CEP290: variants seen among roughly 807,000 people sequenced by gnomAD.
CEP290 encodes centrosomal protein of 290 kDa.
A neutral mutation model predicts 344.9 loss-of-function variants in CEP290; 317 were observed. That is an observed-to-expected ratio of 0.92 (90% CI 0.84 to 1.01). The LOEUF is 1.01. Ranked by LOEUF, CEP290 falls within the 50% of genes least tolerant of loss-of-function variation. CEP290 has a pLI of 0.00. For synonymous variants in CEP290, 932 were observed against 895.8 expected, an observed-to-expected ratio of 1.04 and a Z score of -0.72; for missense variants, 2,754 against 2,761.4, an observed-to-expected ratio of 1.00 and a Z score of 0.06.
chr12:88,075,674 T>C (rs1442347769), intron 41 of CEP290, among the ~76,000 whole-genome samples: 2 of 152,130 alleles, frequency 1.3e-5, no homozygotes, highest in Non-Finnish European at 2.9e-5. Flanking sequence ...AAATTCTGTT[T>C]ACAGAGAAAA....
Position 88,059,938 on chromosome 12 carries a change from A to AT in CEP290, c.6604dup (p.Ile2202AsnfsTer4). The AT allele has an allele frequency of 6.3e-7, 1 of 1,594,416 alleles. No individual in the cohort carries two copies. Among genetic ancestry groups the AT allele is most frequent in the Non-Finnish European group, 8.5e-7 (1 of 1,170,344 alleles). The stretch of plus-strand genomic sequence containing the variant: ...ACGAAGCCTTTCATTTTCAGCAATA[A>AT]TTTTTTCTGTGCCTTTGGTCTTGGA... On this transcript the variant is annotated frameshift_variant, in exon 48 of 54. Coordinates refer to ENST00000552810, the MANE Select transcript of CEP290 (RefSeq NM_025114.4). LOFTEE classifies it high-confidence loss of function.
intron 41 of CEP290, among the ~76,000 whole-genome samples, chr12:88,074,531 C>T (rs534473798): frequency 1.5e-4 from 23 of 152,232 alleles, no homozygotes; most frequent in African/African-American, 5.5e-4. Flanking sequence ...GGCTTTTTTC[C>T]ATGGTTCCTG....
In CEP290 at chr12:88,062,696, C is replaced by G. The variant is rs1208196086; in HGVS notation, c.6353G>C (p.Arg2118Thr). The G allele has an allele frequency of 1.9e-6, 3 of 1,601,290 alleles. No individual in the cohort carries two copies. The Admixed American group carries it at 5.1e-5, about 27-fold the overall frequency. Residue 2118 changes from arginine to threonine, a missense_variant, in exon 46 of 54, where the codon AGA becomes ACA. Physicochemically the swap from Arg to Thr is moderately conservative, Grantham distance 71. Transcript: ENST00000552810. ...AEVQRKLGHV[R>T]GSGRSGKTIP... ...GTATGGTAAATTCTCACATACCCCTCTAACATGGCCAAGTTTCCGCTGAAC... is the reference window on the plus strand; with the variant it reads ...GTATGGTAAATTCTCACATACCCCTGTAACATGGCCAAGTTTCCGCTGAAC...
intron 26 of CEP290, among the ~76,000 whole-genome samples, chr12:88,097,638 CAT>C (rs1555213462): frequency 8.6e-4 from 125 of 145,866 alleles, no homozygotes; most frequent in Non-Finnish European, 1.3e-3. Flanking sequence ...CACACACACA[CAT>C]ATATACAATG....
chr12:88,090,362 T>C (rs923828069), intron 30 of CEP290, among the ~76,000 whole-genome samples: 1 of 152,216 alleles, frequency 6.6e-6, no homozygotes, highest in African/African-American at 2.4e-5. Context: ...CCCAGCATGG[T>C]GGCTCATACC....
intron 53 of CEP290, chr12:88,050,098 T>C: frequency 3.5e-6 from 1 of 289,224 alleles, no homozygotes; most frequent in African/African-American, 2.2e-5. Flanking sequence ...GACCCAAAAC[T>C]TAAGAACATA....
chr12:88,118,638 C>T lies in CEP290; in HGVS notation c.1623+5G>A, dbSNP rs1555222073. 1.2e-6 allele frequency: 2 copies of T among 1,612,532 alleles called. No homozygotes were observed. Among genetic ancestry groups the T allele is most frequent in the Non-Finnish European group, 1.7e-6 (2 of 1,178,860 alleles). ...AGAAAATAATCAACTGACTACCACA[C>T]TTGCCTCTTTCAAAAGAATCTGGTT... On this transcript the variant is annotated splice_donor_5th_base_variant and intron_variant, in intron 16 of 53. Transcript: ENST00000552810.
At chr12:88,102,282 C>T (rs1340267126) in intron 26 of CEP290, among the ~76,000 whole-genome samples, 1 of 152,004 alleles carries the variant, frequency 6.6e-6, no homozygotes, top group Admixed American at 6.6e-5. Flanking sequence ...TAAATTTATT[C>T]TACATTAAAA....
At chr12:88,058,649 G>T in intron 49 of CEP290, 199 bp downstream of exon 49, 1 of 618,168 alleles carries the variant, frequency 1.6e-6, no homozygotes, top group Non-Finnish European at 2.8e-6. Context: ...ACCCAAACAA[G>T]GTTAAACAAG....
At chr12:88,109,872 T>C (rs977238060) in intron 22 of CEP290, among the ~76,000 whole-genome samples, 14 of 152,242 alleles carry the variant, frequency 9.2e-5, no homozygotes, top group South Asian at 2.1e-4. Flanking sequence ...AATACGACAA[T>C]GCCATACTAC....
chr12:88,106,256 A>T (rs1292114876), intron 25 of CEP290, among the ~76,000 whole-genome samples: 1 of 152,216 alleles, frequency 6.6e-6, no homozygotes, highest in Non-Finnish European at 1.5e-5. Context: ...ACACACACAC[A>T]AAAGTTAGAT....
intron 19 of CEP290, 41 bp downstream of exon 19, chr12:88,115,057 G>GA (rs760428546): frequency 1.4e-4 from 148 of 1,078,122 alleles, no homozygotes; most frequent in Middle Eastern, 2.0e-4. Context: ...TTAAGTATAG[G>GA]AAAAATAAGA....
chr12:88,116,827 A>G (rs1213611977), intron 18 of CEP290, among the ~76,000 whole-genome samples: 2 of 151,634 alleles, frequency 1.3e-5, no homozygotes, highest in African/African-American at 2.4e-5. Context: ...ACAAAAAATT[A>G]GCCGGGCGTG....
intron 25 of CEP290, among the ~76,000 whole-genome samples, chr12:88,105,605 A>G (rs1300988067): frequency 6.6e-6 from 1 of 152,244 alleles, no homozygotes; most frequent in East Asian, 1.9e-4. Flanking sequence ...GGGTTAGGCA[A>G]CAATCATCAG....
At chr12:88,110,598 A>G (rs1191499010) in intron 22 of CEP290, among the ~76,000 whole-genome samples, 1 of 152,022 alleles carries the variant, frequency 6.6e-6, no homozygotes, top group Non-Finnish European at 1.5e-5. Flanking sequence ...AGTCCCAGCT[A>G]CTCAGGAGGC....
Position 88,071,345 on chromosome 12 carries a change from T to C in CEP290, c.5960A>G (p.Glu1987Gly), listed in dbSNP as rs1460475071. The C allele has an allele frequency of 6.2e-7, 1 of 1,608,964 alleles. No individual in the cohort carries two copies. The highest frequency in any genetic ancestry group is 1.1e-5 in the South Asian group (1 of 90,544). ...IRALESEKEL[E>G]ELKKRNLDLE... ...GTCAAGATTTCTCTTTTTTAATTCT[T>C]CCAATTCTTTTTCTGACTCCAAAGC... is the stretch of plus-strand genomic sequence containing the variant. Residue 1987 changes from glutamate (E) to glycine (G), a missense_variant, in exon 43 of 54, where the codon GAA becomes GGA. Physicochemically the swap from Glu to Gly is moderately conservative, Grantham distance 98. Transcript: ENST00000552810.
intron 38 of CEP290, among the ~76,000 whole-genome samples, chr12:88,079,719 A>T (rs1015819147): frequency 4.6e-5 from 7 of 152,076 alleles, no homozygotes; most frequent in African/African-American, 1.7e-4. Context: ...AAAAACCCTA[A>T]TAAATCAGAA....
chr12:88,068,409 A>T, intron 44 of CEP290, 113 bp downstream of exon 44: 1 of 622,730 alleles, frequency 1.6e-6, no homozygotes, highest in Non-Finnish European at 2.5e-6. Flanking sequence ...TTACTGTATT[A>T]CTATTAATGA....
At chr12:88,125,457 A>G (rs1374693761) in intron 12 of CEP290, 88 bp from the exon 13 acceptor site, 2 of 566,226 alleles carry the variant, frequency 3.5e-6, no homozygotes, top group African/African-American at 2.0e-5. Context: ...TTTTTTCAAC[A>G]AGACTGTAGA....
Sources: allele counts gnomAD v4.1 joint callset (sites outside exome capture counted in the v4.1 genomes callset), GRCh38; gene constraint gnomAD v4.1.1; transcripts MANE v1.5; gene names NCBI Gene and HGNC (gene_info 2026-07-23, HGNC 2026-07-21).